Variants in RECK observed in about 807,000 individuals in gnomAD.
The protein encoded by RECK is reversion-inducing cysteine-rich protein with Kazal motifs.
Under a neutral mutation model 115.1 loss-of-function variants are expected in RECK, and 69 were observed. That is an observed-to-expected ratio of 0.60 (90% CI 0.49 to 0.73). The LOEUF is 0.73. Among genes scored for constraint, RECK ranks in the 30% least tolerant of loss-of-function variants. The probability of loss-of-function intolerance (pLI) is 0.00; values close to 1 mark genes in which losing one functional copy is unlikely to be tolerated. For synonymous variants in RECK, 414 were observed against 419.7 expected, an observed-to-expected ratio of 0.99 and a Z score of 0.17; for missense variants, 1,047 against 1,203.7, an observed-to-expected ratio of 0.87 and a Z score of 1.93.
In RECK at chr9:36,123,985, C is replaced by G. The variant is rs1824551151; in HGVS notation, c.*940C>G. 1.3e-5 allele frequency: 2 copies of G among 152,572 alleles called. No individual in the cohort carries two copies. The highest frequency in any genetic ancestry group is 4.1e-4 in the South Asian group (2 of 4,826). 9.5% of individuals were successfully genotyped at this position (152,572 alleles called of 1,614,324 possible). On this transcript the variant is annotated 3_prime_UTR_variant, in exon 21 of 21. Coordinates refer to ENST00000377966, the MANE Select transcript of RECK (RefSeq NM_021111.3). ...TAAAATGACAATCATGTGTGTTAAC[C>G]CAGTGCTTTCCATTCGTGAAAACAC... is the stretch of plus-strand genomic sequence containing the variant.
chr9:36,100,338 G>T lies in RECK; in HGVS notation c.1093G>T (p.Glu365Ter). The change falls in exon 11 of 21, where the codon GAA (glutamate) becomes TAA (stop). Residue 365 changes from glutamate to a stop codon, truncating the protein, a stop_gained. Coordinates refer to ENST00000377966, the MANE Select transcript of RECK (RefSeq NM_021111.3). LOFTEE classifies it high-confidence loss of function. ...YCTNFNNRPT[E>*]LFRSCNAQSD... ...GGCCTTTTTTCTCTTTAGGCCAACA[G>T]AACTTTTCAGGAGTTGTAATGCACA... 1 of 1,613,770 alleles carries T rather than the reference G, an allele frequency of 6.2e-7. No homozygotes were observed. Among genetic ancestry groups the T allele is most frequent in the African/African-American group, 1.3e-5 (1 of 75,020 alleles).
intron 8 of RECK, among the ~76,000 whole-genome samples, chr9:36,084,392 A>AAAAAC (rs1325068860): frequency 2.6e-5 from 4 of 151,822 alleles, no homozygotes; most frequent in African/African-American, 9.7e-5. Flanking sequence ...GCCTGTCTAA[A>AAAAAC]AAAACAAAAC....
intron 8 of RECK, chr9:36,085,878 C>T (rs1423192563): frequency 6.6e-6 from 1 of 151,958 alleles, no homozygotes; most frequent in East Asian, 1.9e-4. Context: ...AGCATTGCCC[C>T]AATAACCTTC....
rs368769614 is a variant in RECK, at chr9:36,109,910, T to C, written c.1766-47T>C. ...ATTAAAATTGTAATACGTGCTCTAT[T>C]TCTCAATGCATGATATAGATCAACA... On this transcript the variant is annotated intron_variant, in intron 14 of 20. Transcript: ENST00000377966. The C allele has an allele frequency of 7.9e-5, 122 of 1,536,720 alleles. 1 individual carries two copies. The highest frequency in any genetic ancestry group is 9.2e-5 in the Non-Finnish European group (103 of 1,115,206).
chr9:36,096,087 A>T (rs1823327428), intron 10 of RECK, among the ~76,000 whole-genome samples: 2 of 147,540 alleles, frequency 1.4e-5, no homozygotes, highest in South Asian at 2.1e-4. Context: ...AAAAAAAAAA[A>T]TTTGCTGGGT....
At chr9:36,058,655 T>TA (rs1187103544) in intron 2 of RECK, among the ~76,000 whole-genome samples, 172 bp from the exon 3 acceptor site, 21 of 148,542 alleles carry the variant, frequency 1.4e-4, no homozygotes, top group Non-Finnish European at 2.7e-4. Context: ...AGTATAATAA[T>TA]AATTAATAAA....
chr9:36,041,971 G>T (rs1027342534), intron 1 of RECK, among the ~76,000 whole-genome samples: 8 of 151,924 alleles, frequency 5.3e-5, no homozygotes, highest in African/African-American at 9.7e-5. Context: ...GTTACCATAT[G>T]AAATATGGTA....
chr9:36,053,686 T>C (rs888370567), intron 2 of RECK, among the ~76,000 whole-genome samples: 1 of 152,200 alleles, frequency 6.6e-6, no homozygotes, highest in African/African-American at 2.4e-5. Flanking sequence ...TTTCTTGCTT[T>C]TTCTACTGAT....
intron 5 of RECK, among the ~76,000 whole-genome samples, chr9:36,065,228 T>TA (rs561725701): frequency 0.05 from 2,541 of 50,438 alleles, 256 homozygotes; most frequent in African/African-American, 0.093. Context: ...GGAATTCAGC[T>TA]AAAAAAAAAA....
intron 18 of RECK, among the ~76,000 whole-genome samples, chr9:36,120,303 G>C (rs1824413766): frequency 6.6e-6 from 1 of 152,076 alleles, no homozygotes; most frequent in African/African-American, 2.4e-5. Context: ...CCCTTATTTT[G>C]CAGACAGGGA....
At chr9:36,111,532 C>T (rs760314105) in intron 15 of RECK, among the ~76,000 whole-genome samples, 26 of 152,064 alleles carry the variant, frequency 1.7e-4, no homozygotes, top group Non-Finnish European at 2.6e-4. Flanking sequence ...TAGCTAGGAA[C>T]GACAGGCATG....
Position 36,100,528 on chromosome 9 carries a change from G to C in RECK, c.1283G>C (p.Gly428Ala). Residue 428 changes from glycine to alanine, a missense_variant, in exon 11 of 21, where the codon GGA becomes GCA. By Grantham distance (60) the Gly-to-Ala change is moderately conservative (BLOSUM62 0). Coordinates refer to ENST00000377966, the MANE Select transcript of RECK (RefSeq NM_021111.3). ...AAACCTTGTCATAGTAAATCTCGGG[G>C]AAGTATTATTTGCAAGTAAGTTTCT... is the stretch of plus-strand genomic sequence containing the variant. ...QIKPCHSKSR[G>A]SIICKSDCVE... The C allele has an allele frequency of 3.1e-6, 5 of 1,613,242 alleles. No homozygotes were observed. The highest frequency in any genetic ancestry group is 4.2e-6 in the Non-Finnish European group (5 of 1,179,376).
At chr9:36,039,873 A>G (rs1003184972) in intron 1 of RECK, among the ~76,000 whole-genome samples, 2 of 152,202 alleles carry the variant, frequency 1.3e-5, no homozygotes, top group Non-Finnish European at 2.9e-5. Flanking sequence ...AGAAAGAGCT[A>G]GGATTGGTGA....
At chr9:36,111,581 A>T (rs1037326707) in intron 15 of RECK, among the ~76,000 whole-genome samples, 11 of 152,060 alleles carry the variant, frequency 7.2e-5, no homozygotes, top group African/African-American at 2.7e-4. Context: ...TTTAGTAGAG[A>T]TGGGGTTTCT....
intron 16 of RECK, among the ~76,000 whole-genome samples, chr9:36,112,985 G>A (rs947807084): frequency 3.3e-5 from 5 of 152,172 alleles, no homozygotes; most frequent in Non-Finnish European, 7.3e-5. Flanking sequence ...CTGATAGTCA[G>A]GGGAAATTTT....
chr9:36,092,033 C>G (rs550262685), intron 10 of RECK, among the ~76,000 whole-genome samples: 6 of 152,246 alleles, frequency 3.9e-5, no homozygotes, highest in African/African-American at 1.4e-4. Context: ...GAAGGAAGTT[C>G]TAGATATTTT....
intron 10 of RECK, among the ~76,000 whole-genome samples, chr9:36,092,272 A>C (rs1467675853): frequency 6.6e-6 from 1 of 152,194 alleles, no homozygotes; most frequent in Admixed American, 6.5e-5. Flanking sequence ...TATGAGAATA[A>C]CAGTCCTACC....
chr9:36,037,653 T>C (rs1820719451), intron 1 of RECK, among the ~76,000 whole-genome samples: 1 of 151,868 alleles, frequency 6.6e-6, no homozygotes, highest in African/African-American at 2.4e-5. Flanking sequence ...AGAGAAATTC[T>C]TGCTCTACAA....
At chr9:36,042,275 A>G (rs983105073) in intron 1 of RECK, among the ~76,000 whole-genome samples, 2 of 151,872 alleles carry the variant, frequency 1.3e-5, no homozygotes, top group Admixed American at 1.3e-4. Context: ...GTGTCCTCAT[A>G]GCTTAGCTGC....
Sources: gnomAD v4.1 joint callset for allele counts (sites outside exome capture counted in the v4.1 genomes callset) on GRCh38, gnomAD v4.1.1 for gene constraint, MANE v1.5 for transcripts, NCBI Gene and HGNC (gene_info 2026-07-23, HGNC 2026-07-21) for gene names.